Variants in HSD11B1 observed in about 807,000 individuals in gnomAD.
HSD11B1 encodes the protein 11-beta-hydroxysteroid dehydrogenase 1.
A neutral mutation model predicts 22.1 loss-of-function variants in HSD11B1; 15 were observed. That is an observed-to-expected ratio of 0.68 (90% confidence interval 0.45 to 1.04). The LOEUF (loss-of-function observed/expected upper bound fraction) is 1.04, where lower values mean the gene tolerates loss of function less well. Among genes scored for constraint, HSD11B1 ranks in the 50% least tolerant of loss-of-function variants. The pLI is 0.00. For synonymous variants in HSD11B1, 122 were observed against 125.2 expected, an observed-to-expected ratio of 0.97 and a Z score of 0.17; for missense variants, 281 against 357.6, an observed-to-expected ratio of 0.79 and a Z score of 1.73.
intron 1 of HSD11B1, among the ~76,000 whole-genome samples, 172 bp downstream of exon 1, chr1:209,705,202 G>A (rs565811452): frequency 6.6e-6 from 1 of 152,208 alleles, no homozygotes; most frequent in East Asian, 1.9e-4. Flanking sequence ...GGACAGGGGG[G>A]ACTGTGTAGG....
chr1:209,713,874 T>C (rs2076913801), intron 4 of HSD11B1, among the ~76,000 whole-genome samples: 1 of 152,182 alleles, frequency 6.6e-6, no homozygotes, highest in African/African-American at 2.4e-5. Flanking sequence ...AGACGCAAAA[T>C]CCATGGATAC....
intron 4 of HSD11B1, among the ~76,000 whole-genome samples, chr1:209,710,963 C>T (rs907713146): frequency 6.6e-6 from 1 of 152,106 alleles, no homozygotes; most frequent in Non-Finnish European, 1.5e-5. Flanking sequence ...TTTTAATGTA[C>T]GTGTGCAGTC....
In HSD11B1 at chr1:209,706,065, C is replaced by A; in HGVS notation, c.219+124C>A. On this transcript the variant is annotated intron_variant, in intron 2 of 5. Coordinates refer to ENST00000367027, the MANE Select transcript of HSD11B1 (RefSeq NM_005525.4). The surrounding 1 kb of genome is among the most constrained non-coding windows in gnomAD (Gnocchi z 4.0). ...ATATACAGAGGCACATGCACACACA[C>A]AGACACTTAATTTTGCACTCTCATA... 1 of 1,276,838 alleles carries A rather than the reference C, an allele frequency of 7.8e-7. No individual in the cohort carries two copies. Among genetic ancestry groups the A allele is most frequent in the Non-Finnish European group, 1.1e-6 (1 of 888,590 alleles). The allele number at this position is 1,276,838 out of a possible 1,614,324, so 79.1% of individuals were successfully genotyped here.
intron 4 of HSD11B1, among the ~76,000 whole-genome samples, chr1:209,720,747 C>T (rs188923127): frequency 2.0e-5 from 3 of 152,150 alleles, no homozygotes; most frequent in African/African-American, 7.2e-5. Context: ...TATTGGCACA[C>T]ATGACAAAAT....
At chr1:209,697,884 C>CTTTTTTTTTTTCTTTTTTTTT (rs2076800723) in intron 1 of HSD11B1, among the ~76,000 whole-genome samples, 2 of 41,586 alleles carry the variant, frequency 4.8e-5, no homozygotes, top group Non-Finnish European at 8.9e-5. Flanking sequence ...TTGTTTTTTC[C>CTTTTTTTTTTTCTTTTTTTTT]TTTTTTTTTT....
intron 4 of HSD11B1, among the ~76,000 whole-genome samples, chr1:209,722,991 A>G (rs1476982265): frequency 6.6e-6 from 1 of 152,194 alleles, no homozygotes; most frequent in African/African-American, 2.4e-5. Context: ...GCCTCAGTGC[A>G]TGGCTTCTTT....
In HSD11B1 at chr1:209,706,973, T is replaced by C. The variant is rs1343862706; in HGVS notation, c.362T>C (p.Ile121Thr). 1 of 1,614,064 alleles carries C rather than the reference T, an allele frequency of 6.2e-7. No homozygotes were observed. Among genetic ancestry groups the C allele is most frequent in the Non-Finnish European group, 8.5e-7 (1 of 1,179,998 alleles). The stretch of plus-strand genomic sequence containing the variant: ...CTAGACATGCTCATTCTCAACCACA[T>C]CACCAACACTTCTTTGAATCTTTTT... ...GGLDMLILNHITNTSLNLFHD... is the reference protein window; with the variant it reads ...GGLDMLILNHTTNTSLNLFHD... The change falls in exon 4 of 6, where the codon ATC (isoleucine) becomes ACC (threonine). Residue 121 changes from isoleucine to threonine, a missense_variant. Ile to Thr is a moderately conservative substitution (Grantham distance 89). Coordinates refer to ENST00000367027, the MANE Select transcript of HSD11B1 (RefSeq NM_005525.4). This position sits in a 1 kb window ranked among gnomAD's most constrained non-coding sequence, Gnocchi z 4.0.
intron 4 of HSD11B1, among the ~76,000 whole-genome samples, 188 bp downstream of exon 4, chr1:209,707,316 A>G (rs2076866648): frequency 6.6e-6 from 1 of 152,206 alleles, no homozygotes; most frequent in African/African-American, 2.4e-5. Context: ...CTGAGTGCTC[A>G]TTGGAAGACT....
chr1:209,698,445 C>T (rs952155959), intron 1 of HSD11B1, among the ~76,000 whole-genome samples: 2 of 152,150 alleles, frequency 1.3e-5, no homozygotes, highest in South Asian at 4.1e-4. Context: ...GTGGTGTCAC[C>T]CTAGCGTGCT....
At chr1:209,720,904 TAGTTA>T (rs1338279260) in intron 4 of HSD11B1, among the ~76,000 whole-genome samples, 8 of 152,138 alleles carry the variant, frequency 5.3e-5, no homozygotes, top group Non-Finnish European at 1.0e-4. Context: ...CTTGCAGATG[TAGTTA>T]AGTTAAGGAT....
At chr1:209,732,841 G>T (rs184698623) in intron 5 of HSD11B1, among the ~76,000 whole-genome samples, 2 of 151,084 alleles carry the variant, frequency 1.3e-5, no homozygotes, top group South Asian at 4.2e-4. Context: ...GAGAACATGC[G>T]ATGTTTGGTT....
intron 1 of HSD11B1, among the ~76,000 whole-genome samples, chr1:209,694,526 G>A (rs955108465): frequency 1.3e-5 from 2 of 152,226 alleles, no homozygotes; most frequent in Non-Finnish European, 2.9e-5. Flanking sequence ...TTGGGGCAAG[G>A]GGAGGTTCCT....
At chr1:209,720,935 T>A (rs2076961210) in intron 4 of HSD11B1, among the ~76,000 whole-genome samples, 1 of 152,216 alleles carries the variant, frequency 6.6e-6, no homozygotes, top group South Asian at 2.1e-4. Flanking sequence ...GATGAGATCA[T>A]CCTGGATTAG....
At chr1:209,701,554 A>G (rs2102364986), upstream of HSD11B1, among the ~76,000 whole-genome samples, 1 of 152,314 alleles carries the variant, frequency 6.6e-6, no homozygotes, top group South Asian at 2.1e-4. Flanking sequence ...TCAACGTTGC[A>G]GTGTTATTCT....
chr1:209,734,433 C>A lies in HSD11B1; in HGVS notation c.791C>A (p.Thr264Asn). 1 of 1,614,088 alleles carries A rather than the reference C, an allele frequency of 6.2e-7. No homozygotes were observed. Among genetic ancestry groups the A allele is most frequent in the African/African-American group, 1.3e-5 (1 of 75,048 alleles). ...EEVYYDSSLWTTLLIRNPCRK... is the reference protein window; with the variant it reads ...EEVYYDSSLWNTLLIRNPCRK... ...GTGTATTATGACAGCTCACTCTGGA[C>A]CACTCTTCTGATCAGAAATCCATGC... The change falls in exon 6 of 6, where the codon ACC becomes AAC. Residue 264 changes from threonine (T) to asparagine (N), a missense_variant. Thr to Asn is a moderately conservative substitution (Grantham distance 65). Transcript: ENST00000367027.
chr1:209,705,944 G>A lies in HSD11B1; in HGVS notation c.219+3G>A. On this transcript the variant is annotated splice_donor_region_variant and intron_variant, in intron 2 of 5. Coordinates refer to ENST00000367027, the MANE Select transcript of HSD11B1 (RefSeq NM_005525.4). ...GGTCAAAAGAAACTCTACAGAAGGT[G>A]AGGGTTCTATGCTCGCAGATATGTG... The A allele has an allele frequency of 1.9e-6, 3 of 1,613,816 alleles. No individual in the cohort carries two copies. Among genetic ancestry groups the A allele is most frequent in the Non-Finnish European group, 2.5e-6 (3 of 1,179,764 alleles).
rs1442190542 is a variant in HSD11B1 at position 209,732,590 on chromosome 1, T to C, written c.661+11T>C. 1.9e-6 allele frequency: 3 copies of C among 1,610,442 alleles called. No individual in the cohort carries two copies. The highest frequency in any genetic ancestry group is 1.1e-5 in the South Asian group (1 of 91,008). The stretch of plus-strand genomic sequence containing the variant: ...GCCTCATAGACACAGGTAAGGTCAA[T>C]ACTTTGTGTTTTTTTTTAATTATTA... On this transcript the variant is annotated intron_variant, in intron 5 of 5. Coordinates refer to ENST00000367027, the MANE Select transcript of HSD11B1 (RefSeq NM_005525.4).
In HSD11B1 at chr1:209,722,306, A is replaced by G. The variant is rs553173759; in HGVS notation, c.518-10130A>G. On this transcript the variant is annotated intron_variant, in intron 4 of 5. Transcript: ENST00000367027. ...TCTGTTACATTTTTGTGCTGTTTCA[A>G]CACCAAACGCTCTTTCCTAGTGATC... Among the ~76,000 whole-genome samples, 3 of 152,308 alleles carry G rather than the reference A, an allele frequency of 2.0e-5. No individual in the cohort carries two copies. The South Asian group carries it at 6.2e-4, about 32-fold the overall frequency.
chr1:209,733,578 G>A lies in HSD11B1; in HGVS notation c.662-726G>A, dbSNP rs77530309. Among the ~76,000 whole-genome samples the A allele has an allele frequency of 8.4e-3, 1,279 of 152,262 alleles. 12 individuals are homozygous for A. Among genetic ancestry groups the A allele is most frequent in the African/African-American group, 0.028 (1,164 of 41,536 alleles). On this transcript the variant is annotated intron_variant, in intron 5 of 5. Coordinates refer to ENST00000367027, the MANE Select transcript of HSD11B1 (RefSeq NM_005525.4). The stretch of plus-strand genomic sequence containing the variant: ...AATCATTGCACAATGGTTATATATG[G>A]TGTTGCAACCAGGGGGAGCAGGTGT...
Sources: gnomAD v4.1 joint callset for allele counts (sites outside exome capture counted in the v4.1 genomes callset) on GRCh38, gnomAD v4.1.1 for gene constraint, Gnocchi (gnomAD v3.1) non-coding constraint, MANE v1.5 for transcripts, NCBI Gene and HGNC (gene_info 2026-07-23, HGNC 2026-07-21) for gene names.